The following CRIM1 variants were observed in gnomAD, a reference collection of about 807,000 sequenced individuals.
CRIM1 encodes cysteine-rich motor neuron 1 protein.
CRIM1 carries 32 observed loss-of-function variants against 116.4 expected under a neutral mutation model. That is an observed-to-expected ratio of 0.27 (90% CI 0.21 to 0.37). The LOEUF is 0.37. Among genes scored for constraint, CRIM1 ranks in the 10% least tolerant of loss-of-function variants. The probability of loss-of-function intolerance (pLI) is 1.00; values close to 1 mark genes in which losing one functional copy is unlikely to be tolerated. For synonymous variants in CRIM1, 590 were observed against 509.2 expected, an observed-to-expected ratio of 1.16 and a Z score of -2.13; for missense variants, 1,331 against 1,354.8, an observed-to-expected ratio of 0.98 and a Z score of 0.28.
At chr2:36,509,044 C>G (rs1681624595) in intron 8 of CRIM1, among the ~76,000 whole-genome samples, 1 of 152,108 alleles carries the variant, frequency 6.6e-6, no homozygotes, top group Non-Finnish European at 1.5e-5. Flanking sequence ...GGGTATTTGT[C>G]AGCACATAGA....
chr2:36,499,107 C>A, intron 7 of CRIM1, 112 bp from the exon 8 acceptor site: 2 of 768,024 alleles, frequency 2.6e-6, no homozygotes, highest in South Asian at 3.5e-5. Context: ...GATTTGATGA[C>A]AATTACTGAT....
At chr2:36,510,249 C>A in intron 9 of CRIM1, 110 bp downstream of exon 9, 1 of 999,738 alleles carries the variant, frequency 1.0e-6, no homozygotes. Flanking sequence ...TATATTGAGC[C>A]CAGAATGTCT....
At chr2:36,409,903 A>G (rs1487737441) in intron 2 of CRIM1, among the ~76,000 whole-genome samples, 1 of 152,208 alleles carries the variant, frequency 6.6e-6, no homozygotes, top group Non-Finnish European at 1.5e-5. Flanking sequence ...GTTCTGGGGC[A>G]TTTGAATAAT....
Position 36,548,624 on chromosome 2 carries a change from G to A in CRIM1, c.3034G>A (p.Asp1012Asn). 6.2e-7 allele frequency: 1 copy of A among 1,612,940 alleles called. No individual in the cohort carries two copies. ...GAGAATGCTAAGAATTGCAGAACCA[G>A]ATGCAAGATTCAGTGGCTTCTACAG... ...SQRMLRIAEPDARFSGFYSMQ... is the reference protein window; with the variant it reads ...SQRMLRIAEPNARFSGFYSMQ... Residue 1012 changes from aspartate (D) to asparagine (N), a missense_variant, in exon 17 of 17, where the codon GAT (aspartate) becomes AAT (asparagine). Transcript: ENST00000280527.
At chr2:36,396,569 A>G (rs1416215382) in intron 1 of CRIM1, 45 bp from the exon 2 acceptor site, 4 of 1,381,322 alleles carry the variant, frequency 2.9e-6, no homozygotes, top group Non-Finnish European at 3.9e-6. Context: ...AGGCCTTTGA[A>G]TGAAGCTGCA....
intron 5 of CRIM1, among the ~76,000 whole-genome samples, chr2:36,470,256 G>A (rs975073011): frequency 6.6e-5 from 10 of 152,166 alleles, no homozygotes; most frequent in African/African-American, 2.4e-4. Flanking sequence ...ATTTGTTTTG[G>A]TGGAGGGATG....
intron 2 of CRIM1, among the ~76,000 whole-genome samples, chr2:36,397,574 T>C (rs1049001088): frequency 5.3e-5 from 8 of 152,054 alleles, no homozygotes; most frequent in Admixed American, 3.9e-4. Context: ...GAGGCATTCT[T>C]AAATATACCT....
chr2:36,500,992 A>G (rs1680943706), intron 8 of CRIM1, among the ~76,000 whole-genome samples: 1 of 152,196 alleles, frequency 6.6e-6, no homozygotes, highest in Admixed American at 6.5e-5. Flanking sequence ...TCAGTGCTTT[A>G]TTCCCCTAAA....
At position 36,479,932 on chromosome 2, in the gene CRIM1, T is replaced by C. The variant is rs148129614; in HGVS notation, c.1372+238T>C. ...TGCAAATATGCGCGTCTGAATACTT[T>C]ACAGTATAAGAATATGTACATTTTA... On this transcript the variant is annotated intron_variant, in intron 7 of 16. Coordinates refer to ENST00000280527, the MANE Select transcript of CRIM1 (RefSeq NM_016441.3). 2.6e-5 allele frequency among the ~76,000 whole-genome samples: 4 copies of C among 152,362 alleles called. No individual in the cohort carries two copies. The East Asian group carries it at 7.7e-4, about 29-fold the overall frequency.
At chr2:36,400,416 T>C (rs973573802) in intron 2 of CRIM1, among the ~76,000 whole-genome samples, 4 of 152,102 alleles carry the variant, frequency 2.6e-5, no homozygotes, top group Non-Finnish European at 5.9e-5. Context: ...ATGATGAAGA[T>C]GCCAAGGAAT....
chr2:36,538,103 C>T (rs1279180125), intron 14 of CRIM1, among the ~76,000 whole-genome samples: 3 of 152,134 alleles, frequency 2.0e-5, no homozygotes, highest in Non-Finnish European at 4.4e-5. Flanking sequence ...ACTGAGTGTA[C>T]CCCAGCTGGC....
intron 7 of CRIM1, among the ~76,000 whole-genome samples, chr2:36,498,191 T>C (rs1026805739): frequency 6.6e-6 from 1 of 152,206 alleles, no homozygotes; most frequent in Non-Finnish European, 1.5e-5. Flanking sequence ...GCAACACCGT[T>C]CCCACAACCT....
intron 1 of CRIM1, among the ~76,000 whole-genome samples, chr2:36,374,013 G>A (rs984019353): frequency 2.0e-5 from 3 of 152,168 alleles, no homozygotes; most frequent in Non-Finnish European, 2.9e-5. Context: ...AAAGCCGTGG[G>A]CGTCTTTTCC....
chr2:36,388,787 GAAAC>G (rs1671362417), intron 1 of CRIM1, among the ~76,000 whole-genome samples: 1 of 152,044 alleles, frequency 6.6e-6, no homozygotes, highest in Non-Finnish European at 1.5e-5. Flanking sequence ...CATGAAACAT[GAAAC>G]TGGTGCTTCT....
intron 1 of CRIM1, among the ~76,000 whole-genome samples, chr2:36,366,669 C>G (rs1283758493): frequency 6.6e-6 from 1 of 152,142 alleles, no homozygotes; most frequent in Non-Finnish European, 1.5e-5. Context: ...GAATTTCTGG[C>G]AGGGCAGAAT....
chr2:36,476,499 G>A (rs182154173), intron 5 of CRIM1, among the ~76,000 whole-genome samples: 2 of 152,170 alleles, frequency 1.3e-5, no homozygotes, highest in African/African-American at 4.8e-5. Context: ...AATTTTTGAA[G>A]CAGAACAAAA....
chr2:36,460,134 C>T (rs896381169), intron 4 of CRIM1, among the ~76,000 whole-genome samples: 2 of 152,104 alleles, frequency 1.3e-5, no homozygotes. Flanking sequence ...CCAAGTCCCA[C>T]CTGGCTGCAG....
At chr2:36,451,767 C>T (rs559179430) in intron 4 of CRIM1, among the ~76,000 whole-genome samples, 18 of 152,278 alleles carry the variant, frequency 1.2e-4, no homozygotes, top group African/African-American at 3.8e-4. Context: ...CAACACAGTG[C>T]GCATCAACCC....
At position 36,513,593 on chromosome 2, in the gene CRIM1, C is replaced by T. The variant is rs1664839951; in HGVS notation, c.1818C>T (p.Gly606=). The T allele has an allele frequency of 1.2e-6, 2 of 1,614,162 alleles. No homozygotes were observed. The highest frequency in any genetic ancestry group is 1.1e-5 in the South Asian group (1 of 91,080). The change falls in exon 11 of 17, where the codon GGC becomes GGT. Residue 606 remains glycine, a synonymous_variant. Coordinates refer to ENST00000280527, the MANE Select transcript of CRIM1 (RefSeq NM_016441.3). ...SASAGPPILS[G]TCLTVDGHHH... is the part of the protein sequence containing the mutation. ...CAGCTGGGCCACCCATCCTGTCGGG[C>T]ACTTGTCTCACCGTGGATGGTCATC...
Sources: gnomAD v4.1 joint callset for allele counts (sites outside exome capture counted in the v4.1 genomes callset) on GRCh38, gnomAD v4.1.1 for gene constraint, MANE v1.5 for transcripts, NCBI Gene and HGNC (gene_info 2026-07-23, HGNC 2026-07-21) for gene names.